Variants in KIF3C observed in about 807,000 individuals in gnomAD.
KIF3C encodes kinesin-like protein KIF3C.
A neutral mutation model predicts 67.7 loss-of-function variants in KIF3C; 12 were observed. The observed-to-expected ratio is 0.18, with a 90% CI of 0.11 to 0.29. The LOEUF (loss-of-function observed/expected upper bound fraction) is 0.29. Among genes scored for constraint, KIF3C ranks in the 10% least tolerant of loss-of-function variants. The pLI is 1.00. For missense variants in KIF3C, 789 were observed against 1,059.6 expected, an observed-to-expected ratio of 0.74 and a Z score of 3.55; for synonymous variants, 393 against 426.2, an observed-to-expected ratio of 0.92 and a Z score of 0.96.
rs1313816762 is a variant in KIF3C, at chr2:25,981,087, G to A, written c.831C>T (p.Gly277=). The part of the protein sequence containing the change: ...PSSGGGGGGG[G]SGGGAGGERP... ...TCTCTCCACCAGCACCACCACCACT[G>A]CCTCCACCGCCACCACCGCCACCCG... Residue 277 remains glycine, a synonymous_variant, in exon 1 of 8, where the codon GGC becomes GGT. Transcript: ENST00000264712. This position sits in a 1 kb window ranked among gnomAD's most constrained non-coding sequence, Gnocchi z 8.2. 1 of 1,613,974 alleles carries A rather than the reference G, an allele frequency of 6.2e-7. No homozygotes were observed. The highest frequency in any genetic ancestry group is 1.3e-5 in the African/African-American group (1 of 74,916).
At chr2:25,968,874 A>G (rs1277203967) in intron 1 of KIF3C, among the ~76,000 whole-genome samples, 5 of 150,330 alleles carry the variant, frequency 3.3e-5, no homozygotes, top group African/African-American at 9.8e-5. Context: ...CCCAGGCTGG[A>G]GTGCAGTGGC....
chr2:25,981,388 A>G lies in KIF3C; in HGVS notation c.530T>C (p.Ile177Thr). Residue 177 changes from isoleucine to threonine, a missense_variant, in exon 1 of 8, where the codon ATC becomes ACC. Transcript: ENST00000264712. The surrounding 1 kb of genome is among the most constrained non-coding windows in gnomAD (Gnocchi z 8.2). ...LKENPETGVY[I>T]KDLSSFVTKN... ...GGTGACGAAGGAGGAGAGGTCCTTG[A>G]TGTAGACGCCAGTCTCGGGGTTCTC... 4.3e-6 allele frequency: 7 copies of G among 1,614,128 alleles called. No individual in the cohort carries two copies. Among genetic ancestry groups the G allele is most frequent in the Non-Finnish European group, 5.9e-6 (7 of 1,180,026 alleles).
chr2:25,981,554 T>A lies in KIF3C; in HGVS notation c.364A>T (p.Asn122Tyr). ...TGGGTGAAGATGTGCTCAAAGGCAT[T>A]CGGGATGACCCCGCGCAGCTCGGGC... is the stretch of plus-strand genomic sequence containing the variant. ...VEPELRGVIPNAFEHIFTHIS... is the reference protein window; with the variant it reads ...VEPELRGVIPYAFEHIFTHIS... Residue 122 changes from asparagine to tyrosine, a missense_variant, in exon 1 of 8, where the codon AAT becomes TAT. Physicochemically the swap from Asn to Tyr is moderately radical, Grantham distance 143 (BLOSUM62 -2). Coordinates refer to ENST00000264712, the MANE Select transcript of KIF3C (RefSeq NM_002254.8). This position sits in a 1 kb window ranked among gnomAD's most constrained non-coding sequence, Gnocchi z 8.2. The A allele has an allele frequency of 6.2e-7, 1 of 1,614,142 alleles. No individual in the cohort carries two copies. The highest frequency in any genetic ancestry group is 1.1e-5 in the South Asian group (1 of 91,080).
Position 25,970,615 on chromosome 2 carries a change from C to T in KIF3C, c.1545+9758G>A, listed in dbSNP as rs141115470. 1.8e-4 allele frequency among the ~76,000 whole-genome samples: 26 copies of T among 140,964 alleles called. No individual in the cohort carries two copies. The East Asian group carries it at 2.7e-3, about 15-fold the overall frequency. The allele number at this position is 140,964 out of a possible 152,430, so 92.5% of individuals were successfully genotyped here. The stretch of plus-strand genomic sequence containing the variant: ...CCGGGAGGTGGAGGTTGCAGTGAGC[C>T]GAGGTCACGCCATCACACTCCAGCC... On this transcript the variant is annotated intron_variant, in intron 1 of 7. Transcript: ENST00000264712.
Position 25,981,094 on chromosome 2 carries a change from C to A in KIF3C, c.824G>T (p.Gly275Val), listed in dbSNP as rs367873611. 60 of 1,614,054 alleles carry A rather than the reference C, an allele frequency of 3.7e-5. No homozygotes were observed. Among genetic ancestry groups the A allele is most frequent in the Non-Finnish European group, 4.7e-5 (56 of 1,180,014 alleles). The change falls in exon 1 of 8, where the codon GGT (glycine) becomes GTT (valine). Residue 275 changes from glycine to valine, a missense_variant. Around this residue, in one of 2 missense-constraint regions of KIF3C, gnomAD observed 648 missense variants for 807.8 expected, o/e 0.80. Transcript: ENST00000264712. This position sits in a 1 kb window ranked among gnomAD's most constrained non-coding sequence, Gnocchi z 8.2. ...ACCAGCACCACCACCACTGCCTCCA[C>A]CGCCACCACCGCCACCCGAGGATGG... ...ATPSSGGGGG[G>V]GGSGGGAGGE... is the part of the protein sequence containing the mutation.
At chr2:25,966,722 T>C (rs1664150624) in intron 1 of KIF3C, among the ~76,000 whole-genome samples, 1 of 152,176 alleles carries the variant, frequency 6.6e-6, no homozygotes, top group African/African-American at 2.4e-5. Context: ...AAGTATGATT[T>C]TACAAGGACA....
chr2:25,980,634 C>T lies in KIF3C; in HGVS notation c.1284G>A (p.Glu428=). ...PPGYPEGPVI[E]AWVAEEEDDN... The stretch of plus-strand genomic sequence containing the variant: ...CATCCTCCTCTTCTGCCACCCAGGC[C>T]TCAATCACTGGGCCCTCAGGGTACC... The change falls in exon 1 of 8, where the codon GAG becomes GAA. Residue 428 remains glutamate, a synonymous_variant. Transcript: ENST00000264712. The surrounding 1 kb of genome is among the most constrained non-coding windows in gnomAD (Gnocchi z 7.6). 1 of 1,614,066 alleles carries T rather than the reference C, an allele frequency of 6.2e-7. No homozygotes were observed. Among genetic ancestry groups the T allele is most frequent in the South Asian group, 1.1e-5 (1 of 91,086 alleles).
intron 5 of KIF3C, among the ~76,000 whole-genome samples, chr2:25,941,412 T>C (rs1663280132): frequency 6.6e-6 from 1 of 152,128 alleles, no homozygotes; most frequent in Non-Finnish European, 1.5e-5. Flanking sequence ...CCACAGGGTA[T>C]GGATGCTGTC....
chr2:25,940,650 CTTT>C (rs70950139), intron 5 of KIF3C, among the ~76,000 whole-genome samples: 7 of 74,186 alleles, frequency 9.4e-5, no homozygotes, highest in Admixed American at 6.5e-4. Context: ...TCAGAATGTT[CTTT>C]TTTTTTTTTT....
intron 5 of KIF3C, among the ~76,000 whole-genome samples, chr2:25,940,686 T>C (rs1440830783): frequency 6.9e-5 from 9 of 129,552 alleles, no homozygotes; most frequent in Non-Finnish European, 3.2e-5. Flanking sequence ...AGTCTCGCTC[T>C]GTTGCTCAGG....
Position 25,947,352 on chromosome 2 carries a change from C to T in KIF3C, c.2006+4437G>A, listed in dbSNP as rs1012765987. Among the ~76,000 whole-genome samples, 11 of 151,946 alleles carry T rather than the reference C, an allele frequency of 7.2e-5. No homozygotes were observed. In the East Asian group the frequency reaches 1.2e-3, roughly 16 times the overall value. ...ATCCCAGCACTTTGGGAGGCCGGGGCGGGCAGATCACGAGGTCAGGAGATC... is the reference window on the plus strand; with the variant it reads ...ATCCCAGCACTTTGGGAGGCCGGGGTGGGCAGATCACGAGGTCAGGAGATC... On this transcript the variant is annotated intron_variant, in intron 5 of 7. Coordinates refer to ENST00000264712, the MANE Select transcript of KIF3C (RefSeq NM_002254.8).
chr2:25,966,000 G>A (rs1481944084), intron 1 of KIF3C, among the ~76,000 whole-genome samples: 1 of 152,094 alleles, frequency 6.6e-6, no homozygotes, highest in Non-Finnish European at 1.5e-5. Context: ...TAACCAAGGG[G>A]ACTTTGGGAA....
Position 25,928,861 on chromosome 2 carries a change from ACACACGCACACGCACATGCACG to A in KIF3C, c.*95_*116del, listed in dbSNP as rs1241205778. 26 of 775,102 alleles carry A rather than the reference ACACACGCACACGCACATGCACG, an allele frequency of 3.4e-5. No homozygotes were observed. The highest frequency in any genetic ancestry group is 4.8e-5 in the Admixed American group (2 of 42,046). The allele number at this position is 775,102 out of a possible 1,614,324, so 48.0% of individuals were successfully genotyped here. A position where few individuals can be genotyped will look rare whatever the true frequency, so the allele number is the denominator to read the frequency against. On this transcript the variant is annotated 3_prime_UTR_variant, in exon 8 of 8. Coordinates refer to ENST00000264712, the MANE Select transcript of KIF3C (RefSeq NM_002254.8). ...CCATCTGCCAGATTCTCACCCCTGCACACACGCACACGCACATGCACGCACACGCACACGCACCAAGCGGCAG... is the reference window on the plus strand; with the variant it reads ...CCATCTGCCAGATTCTCACCCCTGCACACACGCACACGCACCAAGCGGCAG...
intron 4 of KIF3C, among the ~76,000 whole-genome samples, chr2:25,953,680 T>C (rs1489554402): frequency 1.4e-5 from 2 of 138,710 alleles, no homozygotes; most frequent in Admixed American, 7.3e-5. Context: ...TTGTTTTTTT[T>C]TTTTTTTTGA....
At chr2:25,931,325 G>A (rs891211487) in intron 5 of KIF3C, among the ~76,000 whole-genome samples, 7 of 152,010 alleles carry the variant, frequency 4.6e-5, no homozygotes, top group Non-Finnish European at 1.0e-4. Context: ...GGGCATGGTG[G>A]TGCATGCCTG....
intron 1 of KIF3C, among the ~76,000 whole-genome samples, chr2:25,974,378 T>C (rs1253080299): frequency 6.6e-6 from 1 of 152,064 alleles, no homozygotes; most frequent in Non-Finnish European, 1.5e-5. Flanking sequence ...TTTTTCTTTT[T>C]TTCCTAGAGA....
At chr2:25,962,836 A>T (rs866480143) in intron 1 of KIF3C, among the ~76,000 whole-genome samples, 36 of 58,244 alleles carry the variant, frequency 6.2e-4, no homozygotes, top group African/African-American at 1.8e-3. Context: ...AAATATATAA[A>T]ATATATAATA....
At chr2:25,951,518 G>A (rs553734396) in intron 5 of KIF3C, 1 of 405,280 alleles carries the variant, frequency 2.5e-6, no homozygotes, top group Non-Finnish European at 4.5e-6. Flanking sequence ...TCAAGAGGCT[G>A]AGATGCTCTT....
chr2:25,969,690 G>A (rs937047400), intron 1 of KIF3C, among the ~76,000 whole-genome samples: 1 of 151,398 alleles, frequency 6.6e-6, no homozygotes, highest in Non-Finnish European at 1.5e-5. Context: ...TATGTCCTTG[G>A]CCATGGTTAC....
Sources: allele counts gnomAD v4.1 joint callset (sites outside exome capture counted in the v4.1 genomes callset), GRCh38; gene constraint gnomAD v4.1.1; regional missense constraint gnomAD v4.1.1; non-coding constraint Gnocchi (gnomAD v3.1); transcripts MANE v1.5; gene names NCBI Gene and HGNC (gene_info 2026-07-23, HGNC 2026-07-21).